The following PARD3B variants were observed in gnomAD, a reference collection of about 807,000 sequenced individuals.
PARD3B encodes par-3 family cell polarity regulator beta.
Under a neutral mutation model 130.2 loss-of-function variants are expected in PARD3B, and 103 were observed. That is an observed-to-expected ratio of 0.79 (90% CI 0.67 to 0.93). PARD3B has a LOEUF of 0.93. Ranked by LOEUF, PARD3B falls within the 40% of genes least tolerant of loss-of-function variation. The pLI is 0.00. For synonymous variants in PARD3B, 583 were observed against 553.2 expected, an observed-to-expected ratio of 1.05 and a Z score of -0.76; for missense variants, 1,609 against 1,499.2, an observed-to-expected ratio of 1.07 and a Z score of -1.21.
chr2:205,363,473 C>T (rs2044473611), intron 18 of PARD3B, among the ~76,000 whole-genome samples: 1 of 152,022 alleles, frequency 6.6e-6, no homozygotes, highest in African/African-American at 2.4e-5. Context: ...AGTATAGTGC[C>T]CAGCACAGAG....
At chr2:205,093,225 G>A (rs1323206232) in intron 4 of PARD3B, among the ~76,000 whole-genome samples, 1 of 152,040 alleles carries the variant, frequency 6.6e-6, no homozygotes, top group Admixed American at 6.6e-5. Context: ...AGTTAACTAA[G>A]ACCCTTTAAG....
intron 22 of PARD3B, among the ~76,000 whole-genome samples, chr2:205,595,734 C>T (rs550491992): frequency 9.9e-5 from 15 of 152,092 alleles, no homozygotes; most frequent in Non-Finnish European, 1.9e-4. Context: ...AGTTAGAGAA[C>T]AATGTAGGAT....
intron 19 of PARD3B, among the ~76,000 whole-genome samples, chr2:205,418,548 G>A (rs2046860668): frequency 6.6e-6 from 1 of 152,156 alleles, no homozygotes. Context: ...TAGTGTTGTA[G>A]CTGGGACAAT....
In PARD3B at chr2:205,296,806, A is replaced by G. The variant is rs116168680; in HGVS notation, c.2186-3724A>G. Among the ~76,000 whole-genome samples the G allele has an allele frequency of 8.1e-3, 1,237 of 151,846 alleles. 12 individuals are homozygous for G. Among genetic ancestry groups the G allele is most frequent in the African/African-American group, 0.029 (1,188 of 41,372 alleles). ...ACCCTGAAATTTCCCTCTACTCTAT[A>G]TAGGACCATGTCAAGCTAATCCTTC... is the stretch of plus-strand genomic sequence containing the variant. On this transcript the variant is annotated intron_variant, in intron 16 of 22. Transcript: ENST00000406610.
chr2:205,536,515 T>A (rs2051866588), intron 21 of PARD3B, among the ~76,000 whole-genome samples: 1 of 152,192 alleles, frequency 6.6e-6, no homozygotes, highest in South Asian at 2.1e-4. Context: ...GTGAATGTTG[T>A]AAATTTAAAC....
intron 18 of PARD3B, among the ~76,000 whole-genome samples, chr2:205,400,049 C>G (rs897064746): frequency 6.6e-6 from 1 of 152,116 alleles, no homozygotes. Context: ...TCAATAAGGC[C>G]TCTCGTGGCA....
At chr2:204,739,768 A>G (rs995090803) in intron 2 of PARD3B, among the ~76,000 whole-genome samples, 4 of 152,016 alleles carry the variant, frequency 2.6e-5, no homozygotes, top group African/African-American at 7.2e-5. Context: ...TGTCTATTTT[A>G]TCTGTGTATT....
intron 1 of PARD3B, among the ~76,000 whole-genome samples, chr2:204,603,888 G>A (rs934864475): frequency 1.3e-5 from 2 of 152,144 alleles, no homozygotes; most frequent in African/African-American, 2.4e-5. Flanking sequence ...GGATAATCCC[G>A]CCTGGGCACA....
intron 19 of PARD3B, among the ~76,000 whole-genome samples, chr2:205,415,712 CTG>C (rs1463971288): frequency 6.6e-6 from 1 of 152,140 alleles, no homozygotes; most frequent in Non-Finnish European, 1.5e-5. Flanking sequence ...ATAAGCTTGA[CTG>C]TGCCTCAATT....
At chr2:205,168,937 C>T (rs2034992868) in intron 11 of PARD3B, among the ~76,000 whole-genome samples, 1 of 152,114 alleles carries the variant, frequency 6.6e-6, no homozygotes, top group Admixed American at 6.5e-5. Flanking sequence ...CAATTCTGAC[C>T]TTAACTAGCT....
In PARD3B at chr2:205,187,774, T is replaced by A. The variant is rs915228193; in HGVS notation, c.2024+1911T>A. On this transcript the variant is annotated intron_variant, in intron 14 of 22. Coordinates refer to ENST00000406610, the MANE Select transcript of PARD3B (RefSeq NM_001302769.2). The surrounding 1 kb of genome is among the most constrained non-coding windows in gnomAD (Gnocchi z 4.9). ...TGGTATGAACTAGTAACTTCCATCT[T>A]CTTTTCACGTCTTCCTTCCTAGTCC... 1.3e-5 allele frequency among the ~76,000 whole-genome samples: 2 copies of A among 152,226 alleles called. No homozygotes were observed. The highest frequency in any genetic ancestry group is 4.8e-5 in the African/African-American group (2 of 41,462).
intron 15 of PARD3B, among the ~76,000 whole-genome samples, chr2:205,203,610 A>G (rs2037112202): frequency 6.7e-6 from 1 of 149,308 alleles, no homozygotes; most frequent in Admixed American, 6.7e-5. Flanking sequence ...CTATGCTCCC[A>G]CCCCCCAACA....
intron 22 of PARD3B, among the ~76,000 whole-genome samples, chr2:205,570,228 T>C (rs1428297210): frequency 6.6e-6 from 1 of 152,146 alleles, no homozygotes; most frequent in Non-Finnish European, 1.5e-5. Context: ...TTATGAATAA[T>C]ATTTTGTACA....
chr2:205,353,564 C>T (rs757682355), intron 18 of PARD3B, among the ~76,000 whole-genome samples: 2 of 152,118 alleles, frequency 1.3e-5, no homozygotes, highest in Non-Finnish European at 2.9e-5. Context: ...GAACCCAATA[C>T]ATGCTTTGTC....
intron 3 of PARD3B, among the ~76,000 whole-genome samples, chr2:205,047,009 T>C (rs559388274): frequency 1.3e-5 from 2 of 152,342 alleles, no homozygotes; most frequent in East Asian, 3.9e-4. Context: ...TTAGAAGAAC[T>C]AACTTATTTT....
At chr2:205,612,302 A>G (rs1201045939) in intron 22 of PARD3B, among the ~76,000 whole-genome samples, 1 of 152,030 alleles carries the variant, frequency 6.6e-6, no homozygotes, top group African/African-American at 2.4e-5. Context: ...ATAGGCATGC[A>G]CCACCACGCC....
chr2:205,317,189 G>T (rs369944029), intron 18 of PARD3B, among the ~76,000 whole-genome samples: 1 of 152,172 alleles, frequency 6.6e-6, no homozygotes, highest in East Asian at 1.9e-4. Flanking sequence ...TGAATAGTAA[G>T]ATGTCTGGAT....
chr2:205,188,430 T>C (rs915615082), intron 14 of PARD3B, among the ~76,000 whole-genome samples: 5 of 152,086 alleles, frequency 3.3e-5, no homozygotes, highest in African/African-American at 1.2e-4. Context: ...GAGATGACAG[T>C]ATCAGGCAGA....
chr2:205,011,301 A>G lies in PARD3B; in HGVS notation c.395-36280A>G, dbSNP rs1007909556. On this transcript the variant is annotated intron_variant, in intron 3 of 22. Coordinates refer to ENST00000406610, the MANE Select transcript of PARD3B (RefSeq NM_001302769.2). The surrounding 1 kb of genome is among the most constrained non-coding windows in gnomAD (Gnocchi z 4.1). ...CCCAAGAGTCTGTAGCCAAGCTGTC[A>G]TCTCAAGGATGGGTCAGAGGGCTCA... is the stretch of plus-strand genomic sequence containing the variant. 2.6e-5 allele frequency among the ~76,000 whole-genome samples: 4 copies of G among 152,136 alleles called. No homozygotes were observed. Among genetic ancestry groups the G allele is most frequent in the South Asian group, 2.1e-4 (1 of 4,826 alleles).
Sources: gnomAD v4.1 joint callset for allele counts (sites outside exome capture counted in the v4.1 genomes callset) on GRCh38, gnomAD v4.1.1 for gene constraint, Gnocchi (gnomAD v3.1) non-coding constraint, MANE v1.5 for transcripts, NCBI Gene and HGNC (gene_info 2026-07-23, HGNC 2026-07-21) for gene names.